The following WWOX variants were observed in gnomAD, a reference collection of about 807,000 sequenced individuals.
WWOX encodes the protein WW domain-containing oxidoreductase.
A neutral mutation model predicts 46.2 loss-of-function variants in WWOX; 69 were observed. The ratio of observed to expected loss-of-function variants is 1.49; its 90% CI spans 1.23 to 1.82. The LOEUF is 1.82. Ranked by LOEUF, WWOX falls within the 40% of genes most tolerant of loss-of-function variation. The pLI is 0.00. For synonymous variants in WWOX, 359 were observed against 202.6 expected (o/e 1.77, Z -6.56); for missense variants, 919 against 542.6 (o/e 1.69, Z -6.89).
intron 8 of WWOX, among the ~76,000 whole-genome samples, chr16:78,564,951 T>A (rs2044529362): frequency 6.6e-6 from 1 of 152,134 alleles, no homozygotes; most frequent in Non-Finnish European, 1.5e-5. Flanking sequence ...CCTTCCTTTT[T>A]AACAAGACAA....
intron 8 of WWOX, among the ~76,000 whole-genome samples, chr16:78,641,181 A>G (rs937976840): frequency 4.6e-5 from 7 of 152,090 alleles, no homozygotes; most frequent in Non-Finnish European, 7.4e-5. Flanking sequence ...CCCGTTGACA[A>G]CAAAGCCTTT....
At chr16:78,919,398 G>C (rs1401602957) in intron 8 of WWOX, among the ~76,000 whole-genome samples, 1 of 151,896 alleles carries the variant, frequency 6.6e-6, no homozygotes, top group Non-Finnish European at 1.5e-5. Flanking sequence ...TGTGTATTTT[G>C]CTCCATGGTC....
At chr16:78,473,181 G>A (rs1396381691) in intron 8 of WWOX, among the ~76,000 whole-genome samples, 1 of 152,198 alleles carries the variant, frequency 6.6e-6, no homozygotes, top group East Asian at 1.9e-4. Context: ...CCAGGCTAGA[G>A]TGCAGTGGTG....
At chr16:79,129,235 G>C (rs8048682) in intron 8 of WWOX, among the ~76,000 whole-genome samples, 67,758 of 150,896 alleles carry the variant, frequency 0.45, 16,595 homozygotes, top group African/African-American at 0.67. Context: ...CCTAGGATTG[G>C]AAAACCTCCA....
At chr16:79,035,863 G>T (rs541695311) in intron 8 of WWOX, among the ~76,000 whole-genome samples, 1 of 152,320 alleles carries the variant, frequency 6.6e-6, no homozygotes, top group African/African-American at 2.4e-5. Context: ...CCAAAGTGAT[G>T]GGATTACAGG....
chr16:78,535,438 G>C (rs148600561), intron 8 of WWOX: 1 of 152,338 alleles, frequency 6.6e-6, no homozygotes, highest in East Asian at 1.9e-4. Context: ...TTTCTGTAAA[G>C]AGAAGGCAAG....
chr16:78,552,104 C>G (rs1484551129), intron 8 of WWOX: 2 of 152,188 alleles, frequency 1.3e-5, no homozygotes, highest in Admixed American at 1.3e-4. Context: ...GGAGAGGTTA[C>G]TGGCCTGATG....
rs576720249 is a variant in WWOX at position 78,907,238 on chromosome 16, G to A, written c.1057-304370G>A. 4.2e-4 allele frequency among the ~76,000 whole-genome samples: 64 copies of A among 152,274 alleles called. No individual in the cohort carries two copies. The South Asian group carries it at 7.3e-3, about 17-fold the overall frequency. On this transcript the variant is annotated intron_variant, in intron 8 of 8. Transcript: ENST00000566780. ...CCCTGAATCCGCTTCTGGGTGGGGG[G>A]CAGGGCACAGGACCAGTTGAATGGG...
intron 5 of WWOX, among the ~76,000 whole-genome samples, chr16:78,376,360 C>T (rs374509775): frequency 2.6e-4 from 39 of 152,074 alleles, no homozygotes; most frequent in Non-Finnish European, 3.7e-4. Flanking sequence ...AAAAGTTGCA[C>T]GATGTTTTTA....
rs1555524168 is a variant in WWOX, at chr16:78,349,901, CCT to C, written c.517-36958_517-36957del. ...TCAGTCTCATTCCCCAGAAATAATC[CCT>C]GTTAACATTTCGGTTTGTGTTATGG... is the stretch of plus-strand genomic sequence containing the variant. On this transcript the variant is annotated intron_variant, in intron 5 of 8. Transcript: ENST00000566780. Among the ~76,000 whole-genome samples, 9 of 120,582 alleles carry C rather than the reference CCT, an allele frequency of 7.5e-5. 3 individuals carry two copies. The highest frequency in any genetic ancestry group is 1.2e-4 in the Non-Finnish European group (6 of 50,530). The allele number at this position is 120,582 out of a possible 152,430, so 79.1% of individuals were successfully genotyped here.
chr16:78,419,291 C>A (rs868841131), intron 6 of WWOX, among the ~76,000 whole-genome samples: 1 of 152,002 alleles, frequency 6.6e-6, no homozygotes, highest in Non-Finnish European at 1.5e-5. Context: ...AAAGCTGATC[C>A]TACATTTTGT....
At chr16:78,499,579 T>A (rs1236430829) in intron 8 of WWOX, among the ~76,000 whole-genome samples, 2 of 152,234 alleles carry the variant, frequency 1.3e-5, no homozygotes, top group Non-Finnish European at 2.9e-5. Context: ...GCTTCCTGCC[T>A]CCTGGCCCAG....
intron 6 of WWOX, among the ~76,000 whole-genome samples, chr16:78,404,993 C>A (rs374921228): frequency 6.6e-6 from 1 of 152,182 alleles, no homozygotes; most frequent in Non-Finnish European, 1.5e-5. Flanking sequence ...AGAAAACCAT[C>A]TTGGAGAGCA....
chr16:78,468,416 A>C (rs74028468), intron 8 of WWOX, among the ~76,000 whole-genome samples: 4,493 of 152,204 alleles, frequency 0.03, 236 homozygotes, highest in African/African-American at 0.1. Flanking sequence ...AGAATTGCAC[A>C]GAGGAACACC....
chr16:78,656,355 A>G (rs573002743), intron 8 of WWOX, among the ~76,000 whole-genome samples: 2 of 152,136 alleles, frequency 1.3e-5, no homozygotes, highest in East Asian at 3.9e-4. Context: ...TCTCACATTG[A>G]TGTAAAGGAC....
chr16:78,509,003 G>A (rs769693064), intron 8 of WWOX, among the ~76,000 whole-genome samples: 26 of 152,248 alleles, frequency 1.7e-4, no homozygotes, highest in East Asian at 3.8e-4. Context: ...CGTTAAAGGC[G>A]TGCATGTGTG....
intron 8 of WWOX, among the ~76,000 whole-genome samples, chr16:78,961,528 G>C (rs2046271079): frequency 6.6e-6 from 1 of 151,946 alleles, no homozygotes; most frequent in African/African-American, 2.4e-5. Context: ...TGGGTGGTAG[G>C]TGGGTACATA....
At chr16:79,096,430 G>T (rs2049075443) in intron 8 of WWOX, among the ~76,000 whole-genome samples, 1 of 151,986 alleles carries the variant, frequency 6.6e-6, no homozygotes, top group Non-Finnish European at 1.5e-5. Flanking sequence ...GGTTCCAGCT[G>T]TGCGGGCCTC....
At chr16:78,699,751 C>G (rs893394367) in intron 8 of WWOX, among the ~76,000 whole-genome samples, 2 of 152,172 alleles carry the variant, frequency 1.3e-5, no homozygotes, top group South Asian at 2.1e-4. Context: ...TTTTTTCAGG[C>G]TCTTCTAATG....
Sources: gnomAD v4.1 joint callset for allele counts (sites outside exome capture counted in the v4.1 genomes callset) on GRCh38, gnomAD v4.1.1 for gene constraint, MANE v1.5 for transcripts, NCBI Gene and HGNC (gene_info 2026-07-23, HGNC 2026-07-21) for gene names.